INPP5A: variants seen among roughly 807,000 people sequenced by gnomAD.
INPP5A encodes the protein 43 kDa inositol polyphosphate 5-phophatase.
Under a neutral mutation model 65.2 loss-of-function variants are expected in INPP5A, and 14 were observed. That is an observed-to-expected ratio of 0.21 (90% CI 0.14 to 0.34). INPP5A has a LOEUF of 0.34. Among genes scored for constraint, INPP5A ranks in the 10% least tolerant of loss-of-function variants. INPP5A has a pLI of 1.00. For synonymous variants in INPP5A, 207 were observed against 208.3 expected (o/e 0.99, Z 0.05); for missense variants, 431 against 545.6 (o/e 0.79, Z 2.09).
chr10:132,764,405 C>G (rs534531886), intron 11 of INPP5A, among the ~76,000 whole-genome samples: 1 of 151,724 alleles, frequency 6.6e-6, no homozygotes, highest in South Asian at 2.1e-4. Flanking sequence ...TGTGGTGACA[C>G]TCAGGAACAC....
intron 1 of INPP5A, among the ~76,000 whole-genome samples, chr10:132,595,550 G>C (rs1476922972): frequency 6.6e-6 from 1 of 152,186 alleles, no homozygotes; most frequent in African/African-American, 2.4e-5. Flanking sequence ...CTGGCTCACT[G>C]CCTTTCTTAC....
At chr10:132,645,021 C>T (rs1330060397) in intron 2 of INPP5A, among the ~76,000 whole-genome samples, 1 of 152,152 alleles carries the variant, frequency 6.6e-6, no homozygotes, top group African/African-American at 2.4e-5. Context: ...ATTCTCTGCC[C>T]GCGCGTCCTC....
rs1441912942 is a variant in INPP5A, at chr10:132,777,768, G to A, written c.1075G>A (p.Glu359Lys). The A allele has an allele frequency of 6.2e-7, 1 of 1,613,092 alleles. No individual in the cohort carries two copies. Among genetic ancestry groups the A allele is most frequent in the Non-Finnish European group, 8.5e-7 (1 of 1,179,966 alleles). Residue 359 changes from glutamate (E) to lysine (K), a missense_variant, in exon 13 of 16, where the codon GAG (glutamate) becomes AAG (lysine). Glu to Lys is a moderately conservative substitution (Grantham distance 56). Transcript: ENST00000368594. The stretch of plus-strand genomic sequence containing the variant: ...CATCCTCATGTCCCCGTCTGCCAAG[G>A]AGCTGGTGCTGCGGGTGAGTGTGTG... ...DRILMSPSAK[E>K]LVLRSESEEK...
chr10:132,631,752 G>A (rs1007178446), intron 2 of INPP5A, among the ~76,000 whole-genome samples: 2 of 152,228 alleles, frequency 1.3e-5, no homozygotes, highest in African/African-American at 4.8e-5. Context: ...GCTGGTGAAC[G>A]TGCTTTTTCT....
chr10:132,606,473 G>A (rs1038829552), intron 1 of INPP5A, among the ~76,000 whole-genome samples: 11 of 152,322 alleles, frequency 7.2e-5, no homozygotes, highest in African/African-American at 2.2e-4. Context: ...CTCTCCCTTC[G>A]CGTGTGTGTG....
intron 2 of INPP5A, among the ~76,000 whole-genome samples, chr10:132,608,528 G>A (rs1022214801): frequency 2.0e-5 from 3 of 152,344 alleles, no homozygotes; most frequent in Middle Eastern, 3.4e-3. Flanking sequence ...TGGTGCCCTC[G>A]CAGGTCTTCA....
rs1041012634 is a variant in INPP5A at position 132,551,669 on chromosome 10, G to A, written c.75+13498G>A. On this transcript the variant is annotated intron_variant, in intron 1 of 15. Transcript: ENST00000368594. The surrounding 1 kb of genome is among the most constrained non-coding windows in gnomAD (Gnocchi z 5.3). Reference sequence around the variant, plus strand: ...CGGCTGTGCCTCCCTCGCTGCTGCAGTGGGCAGTGTGTGCGTCGTACACAG... The same window carrying A: ...CGGCTGTGCCTCCCTCGCTGCTGCAATGGGCAGTGTGTGCGTCGTACACAG... 6.6e-6 allele frequency among the ~76,000 whole-genome samples: 1 copy of A among 152,194 alleles called. No individual in the cohort carries two copies. The highest frequency in any genetic ancestry group is 2.1e-4 in the South Asian group (1 of 4,832).
At chr10:132,774,347 C>T (rs1455275693) in intron 12 of INPP5A, among the ~76,000 whole-genome samples, 1 of 152,244 alleles carries the variant, frequency 6.6e-6, no homozygotes, top group African/African-American at 2.4e-5. Context: ...GCTCCGTGTA[C>T]ACAAGAGCGG....
At chr10:132,657,784 C>T (rs1390708251) in intron 4 of INPP5A, among the ~76,000 whole-genome samples, 1 of 152,258 alleles carries the variant, frequency 6.6e-6, no homozygotes, top group Non-Finnish European at 1.5e-5. Context: ...TGAGGAAGCT[C>T]ATCTGCCTTA....
intron 2 of INPP5A, among the ~76,000 whole-genome samples, chr10:132,623,207 A>T (rs927132863): frequency 2.0e-5 from 3 of 152,264 alleles, no homozygotes; most frequent in Non-Finnish European, 4.4e-5. Context: ...AAGTAAAAAC[A>T]TACTAATGTT....
intron 9 of INPP5A, among the ~76,000 whole-genome samples, chr10:132,745,239 C>T (rs1023825009): frequency 1.3e-5 from 2 of 152,238 alleles, no homozygotes; most frequent in East Asian, 1.9e-4. Flanking sequence ...CTGGAGGCCA[C>T]GATGCTCCTG....
intron 1 of INPP5A, among the ~76,000 whole-genome samples, chr10:132,572,245 G>A (rs993000986): frequency 2.0e-5 from 3 of 152,216 alleles, no homozygotes; most frequent in Non-Finnish European, 2.9e-5. Context: ...CCATGGGGGG[G>A]CCTTCAGAAG....
intron 8 of INPP5A, among the ~76,000 whole-genome samples, chr10:132,714,371 C>T (rs1392337174): frequency 1.3e-5 from 2 of 152,202 alleles, no homozygotes; most frequent in Non-Finnish European, 2.9e-5. Context: ...TTGGCAGCCA[C>T]CAGCAGACCA....
chr10:132,753,232 G>A lies in INPP5A; in HGVS notation c.903+3387G>A, dbSNP rs558724971. 1.1e-3 allele frequency among the ~76,000 whole-genome samples: 165 copies of A among 152,270 alleles called. No homozygotes were observed. Among genetic ancestry groups the A allele is most frequent in the African/African-American group, 3.8e-3 (156 of 41,564 alleles). On this transcript the variant is annotated intron_variant, in intron 11 of 15. Transcript: ENST00000368594. This position sits in a 1 kb window ranked among gnomAD's most constrained non-coding sequence, Gnocchi z 5.3. The stretch of plus-strand genomic sequence containing the variant: ...CCAGAAATTGGCAGTTGTCCCCATC[G>A]ACGGAGGGTCAAGGTGGTCGGACGG...
At chr10:132,748,994 A>G (rs1289088594) in intron 9 of INPP5A, among the ~76,000 whole-genome samples, 1 of 152,166 alleles carries the variant, frequency 6.6e-6, no homozygotes, top group African/African-American at 2.4e-5. Context: ...GCCTGTTAAC[A>G]CCACAAAGCA....
At chr10:132,719,373 G>A (rs1314060848) in intron 8 of INPP5A, among the ~76,000 whole-genome samples, 2 of 150,464 alleles carry the variant, frequency 1.3e-5, no homozygotes, top group Admixed American at 1.3e-4. Flanking sequence ...TTAGACGGCT[G>A]TCTTGCGGGT....
At chr10:132,687,470 G>A (rs1049933402) in intron 4 of INPP5A, among the ~76,000 whole-genome samples, 14 of 152,270 alleles carry the variant, frequency 9.2e-5, no homozygotes, top group African/African-American at 3.4e-4. Context: ...CCCCATGTCA[G>A]GCACACAGGT....
At position 132,676,443 on chromosome 10, in the gene INPP5A, A is replaced by G. The variant is rs1306316596; in HGVS notation, c.307-13949A>G. The stretch of plus-strand genomic sequence containing the variant: ...ACTCCGGGTGAAAGAGGCATGGGGA[A>G]TTTACTTGCTTTTCCTTTTTGTCTG... On this transcript the variant is annotated intron_variant, in intron 4 of 15. Transcript: ENST00000368594. The surrounding 1 kb of genome is among the most constrained non-coding windows in gnomAD (Gnocchi z 4.0). Among the ~76,000 whole-genome samples the G allele has an allele frequency of 2.0e-5, 3 of 152,186 alleles. No individual in the cohort carries two copies. The highest frequency in any genetic ancestry group is 7.2e-5 in the African/African-American group (3 of 41,436).
At chr10:132,558,781 G>A (rs761436508) in intron 1 of INPP5A, among the ~76,000 whole-genome samples, 3 of 152,250 alleles carry the variant, frequency 2.0e-5, no homozygotes, top group South Asian at 2.1e-4. Context: ...CAGGGTCAGC[G>A]TGGGACCAGG....
Sources: allele counts gnomAD v4.1 joint callset (sites outside exome capture counted in the v4.1 genomes callset), GRCh38; gene constraint gnomAD v4.1.1; non-coding constraint Gnocchi (gnomAD v3.1); transcripts MANE v1.5; gene names NCBI Gene and HGNC (gene_info 2026-07-23, HGNC 2026-07-21).